GAPVD1: variants seen among roughly 807,000 people sequenced by gnomAD.
GAPVD1 encodes GTPase-activating protein and VPS9 domain-containing protein 1.
GAPVD1 carries 35 observed loss-of-function variants against 155.5 expected under a neutral mutation model. That is an observed-to-expected ratio of 0.23 (90% confidence interval 0.17 to 0.30). The LOEUF (loss-of-function observed/expected upper bound fraction) is 0.30, where lower values mean the gene tolerates loss of function less well. Among genes scored for constraint, GAPVD1 ranks in the 10% least tolerant of loss-of-function variants. The pLI, the probability that GAPVD1 is intolerant of heterozygous loss-of-function variation, is 1.00. For synonymous variants in GAPVD1, 636 were observed against 619.7 expected (o/e 1.03, Z -0.39); for missense variants, 1,429 against 1,775.7 (o/e 0.80, Z 3.51).
intron 2 of GAPVD1, among the ~76,000 whole-genome samples, chr9:125,293,860 A>ATAAATATATTT (rs1199282019): frequency 1.9e-3 from 20 of 10,618 alleles, no homozygotes; most frequent in African/African-American, 0.011. Flanking sequence ...TTTTATATAT[A>ATAAATATATTT]TATATATATA....
At chr9:125,318,086 G>T (rs926777045) in intron 9 of GAPVD1, among the ~76,000 whole-genome samples, 9 of 152,222 alleles carry the variant, frequency 5.9e-5, no homozygotes, top group Non-Finnish European at 1.3e-4. Flanking sequence ...CCCTGTTCAA[G>T]TGATTCTCCT....
chr9:125,364,828 A>T lies in GAPVD1; in HGVS notation c.*2082A>T, dbSNP rs1564491143. ...GTGTGATTTCTGAGACCTAGATGAG[A>T]GTCCATTTACTTCAGCCTTTGATTC... On this transcript the variant is annotated 3_prime_UTR_variant, in exon 28 of 28. Transcript: ENST00000297933. 6.6e-6 allele frequency: 1 copy of T among 152,644 alleles called. No homozygotes were observed. The highest frequency in any genetic ancestry group is 1.5e-5 in the Non-Finnish European group (1 of 68,048). 9.5% of individuals were successfully genotyped at this position (152,644 alleles called of 1,614,324 possible).
chr9:125,329,294 C>T (rs1421817267), intron 12 of GAPVD1, among the ~76,000 whole-genome samples: 1 of 151,844 alleles, frequency 6.6e-6, no homozygotes, highest in Non-Finnish European at 1.5e-5. Flanking sequence ...ATCTTATTGC[C>T]CTGAATAGTG....
chr9:125,332,691 G>C, intron 15 of GAPVD1, 62 bp downstream of exon 15: 1 of 1,388,886 alleles, frequency 7.2e-7, no homozygotes, highest in South Asian at 1.2e-5. Context: ...AACTGGCACT[G>C]TGACACATTG....
In GAPVD1 at chr9:125,367,061, CA is replaced by C. The variant is rs1851503484; in HGVS notation, c.*4316del. ...AAAAGCTGTACTGCCTCTTTTGAAA[CA>C]GATAAAACCTTTCTATAAGTCTCAA... On this transcript the variant is annotated 3_prime_UTR_variant, in exon 28 of 28. Transcript: ENST00000297933. The C allele has an allele frequency of 3.9e-5, 6 of 152,218 alleles. No homozygotes were observed. The South Asian group carries it at 1.2e-3, about 32-fold the overall frequency. The allele number at this position is 152,218 out of a possible 1,614,324, so 9.4% of individuals were successfully genotyped here.
chr9:125,262,743 G>C (rs1331257699), intron 1 of GAPVD1, among the ~76,000 whole-genome samples: 4 of 152,162 alleles, frequency 2.6e-5, no homozygotes, highest in Non-Finnish European at 5.9e-5. Flanking sequence ...TTGATGGATA[G>C]AATTAGAAGG....
intron 2 of GAPVD1, among the ~76,000 whole-genome samples, chr9:125,271,357 GTGT>G (rs1055038254): frequency 4.0e-5 from 6 of 151,234 alleles, no homozygotes; most frequent in African/African-American, 1.2e-4. Flanking sequence ...ACCAACTTAT[GTGT>G]TGTTATTTAT....
At chr9:125,356,394 A>C (rs961881966) in intron 25 of GAPVD1, among the ~76,000 whole-genome samples, 1 of 152,182 alleles carries the variant, frequency 6.6e-6, no homozygotes, top group African/African-American at 2.4e-5. Flanking sequence ...ACCTCTACAC[A>C]CAAGATGCCA....
intron 8 of GAPVD1, 123 bp downstream of exon 8, chr9:125,308,003 C>G: frequency 1.4e-6 from 1 of 701,264 alleles, no homozygotes; most frequent in Non-Finnish European, 2.5e-6. Context: ...TTCATGTTTA[C>G]TGATGGTATT....
intron 13 of GAPVD1, among the ~76,000 whole-genome samples, chr9:125,330,794 C>T (rs1433003225): frequency 6.6e-6 from 1 of 152,192 alleles, no homozygotes; most frequent in Non-Finnish European, 1.5e-5. Flanking sequence ...CTGTGATTAT[C>T]AGAGTCCGTG....
At chr9:125,319,427 T>C (rs1843943232) in intron 9 of GAPVD1, among the ~76,000 whole-genome samples, 2 of 150,350 alleles carry the variant, frequency 1.3e-5, no homozygotes, top group Non-Finnish European at 3.0e-5. Flanking sequence ...TTTTTTGAGA[T>C]GGAATCTCCC....
intron 6 of GAPVD1, 68 bp from the exon 7 acceptor site, chr9:125,307,345 C>T: frequency 2.7e-6 from 3 of 1,118,460 alleles, no homozygotes; most frequent in South Asian, 3.9e-5. Flanking sequence ...GCTTGTCCAC[C>T]TTAATGAGAA....
At chr9:125,279,964 G>A (rs1422005796) in intron 2 of GAPVD1, among the ~76,000 whole-genome samples, 1 of 150,682 alleles carries the variant, frequency 6.6e-6, no homozygotes, top group African/African-American at 2.5e-5. Flanking sequence ...GTTTCACCAT[G>A]TTGGCCAGGC....
At chr9:125,293,374 G>A (rs991868192) in intron 2 of GAPVD1, among the ~76,000 whole-genome samples, 1 of 151,038 alleles carries the variant, frequency 6.6e-6, no homozygotes, top group South Asian at 2.1e-4. Context: ...CAGAGATTGT[G>A]TCTGTTTTGT....
At position 125,350,411 on chromosome 9, in the gene GAPVD1, T is replaced by C. The variant is rs1464329177; in HGVS notation, c.3409+7T>C. The C allele has an allele frequency of 2.6e-6, 4 of 1,542,606 alleles. No individual in the cohort carries two copies. The highest frequency in any genetic ancestry group is 4.5e-5 in the East Asian group (2 of 44,554). On this transcript the variant is annotated splice_region_variant and intron_variant, in intron 22 of 27. Coordinates refer to ENST00000297933, the MANE Select transcript of GAPVD1 (RefSeq NM_001282680.3). ...GACCACACAGACCCAGAAGGTAAAT[T>C]GCTGCAGGATCGTTTAATTTTTCCT...
At chr9:125,335,790 T>C (rs554709750) in intron 15 of GAPVD1, among the ~76,000 whole-genome samples, 61 of 152,330 alleles carry the variant, frequency 4.0e-4, no homozygotes, top group Non-Finnish European at 7.1e-4. Flanking sequence ...TTCAGTTTTC[T>C]AATATAGAAT....
intron 2 of GAPVD1, among the ~76,000 whole-genome samples, chr9:125,281,233 A>AT (rs1836743052): frequency 6.6e-6 from 1 of 151,988 alleles, no homozygotes; most frequent in Non-Finnish European, 1.5e-5. Flanking sequence ...AGTTTGTATA[A>AT]TTTTTTTTAC....
At chr9:125,290,364 G>A (rs1838375355) in intron 2 of GAPVD1, among the ~76,000 whole-genome samples, 1 of 152,142 alleles carries the variant, frequency 6.6e-6, no homozygotes, top group South Asian at 2.1e-4. Flanking sequence ...TTGCTTTTAA[G>A]TAAATATGAA....
chr9:125,344,499 T>C (rs1848251611), intron 19 of GAPVD1, among the ~76,000 whole-genome samples: 1 of 152,204 alleles, frequency 6.6e-6, no homozygotes, highest in South Asian at 2.1e-4. Context: ...TTATATAAAT[T>C]GCATTTTTTG....
Sources: gnomAD v4.1 joint callset for allele counts (sites outside exome capture counted in the v4.1 genomes callset) on GRCh38, gnomAD v4.1.1 for gene constraint, MANE v1.5 for transcripts, NCBI Gene and HGNC (gene_info 2026-07-23, HGNC 2026-07-21) for gene names.